PRUNE2: variants seen among roughly 807,000 people sequenced by gnomAD.
PRUNE2 encodes the protein prune homolog 2 with BCH domain.
In PRUNE2, 164 loss-of-function variants were observed where a neutral mutation model predicts 252.0. The observed-to-expected ratio is 0.65, with a 90% CI of 0.57 to 0.74. PRUNE2 has a LOEUF of 0.74. Ranked by LOEUF, PRUNE2 falls within the 30% of genes least tolerant of loss-of-function variation. The pLI, the probability that PRUNE2 is intolerant of heterozygous loss-of-function variation, is 0.00. For missense variants in PRUNE2, 3,495 were observed against 3,711.0 expected (o/e 0.94, Z 1.51); for synonymous variants, 1,292 against 1,350.2 (o/e 0.96, Z 0.94).
At chr9:76,729,921 A>G (rs1207053030) in intron 6 of PRUNE2, among the ~76,000 whole-genome samples, 1 of 152,202 alleles carries the variant, frequency 6.6e-6, no homozygotes, top group Non-Finnish European at 1.5e-5. Context: ...AGACTCCTAC[A>G]TTTTTACAAG....
At chr9:76,660,798 A>AAAAAAAAG (rs1554669341) in intron 9 of PRUNE2, among the ~76,000 whole-genome samples, 2 of 141,018 alleles carry the variant, frequency 1.4e-5, no homozygotes, top group African/African-American at 5.2e-5. Flanking sequence ...AAAAAAAAAA[A>AAAAAAAAG]AAAGAAAGAA....
intron 6 of PRUNE2, chr9:76,779,625 T>A (rs1471172773): frequency 6.6e-6 from 1 of 152,224 alleles, no homozygotes. Context: ...GAAACCTCCA[T>A]GACAGGAATC....
chr9:76,802,643 GTT>G (rs1316805521), intron 6 of PRUNE2, among the ~76,000 whole-genome samples: 1 of 152,060 alleles, frequency 6.6e-6, no homozygotes, highest in Non-Finnish European at 1.5e-5. Flanking sequence ...ATGGGAGAAA[GTT>G]TGCAAATATC....
intron 6 of PRUNE2, among the ~76,000 whole-genome samples, chr9:76,814,509 A>G (rs10781383): frequency 0.47 from 70,963 of 151,936 alleles, 16,672 homozygotes; most frequent in Middle Eastern, 0.53. Flanking sequence ...AACCCATAAA[A>G]CTATGAGAGA....
rs147858614 is a variant in PRUNE2, at chr9:76,732,758, G to T, written c.757-19037C>A. ...CTGACAGCTCTGTCTGAGCTGGACT[G>T]AATGAGAGACAGAAGTAGACCTCCA... On this transcript the variant is annotated intron_variant, in intron 6 of 18. Transcript: ENST00000376718. Among the ~76,000 whole-genome samples the T allele has an allele frequency of 3.0e-4, 45 of 152,328 alleles. No homozygotes were observed. The East Asian group carries it at 4.8e-3, about 16-fold the overall frequency.
chr9:76,727,549 A>G (rs780788825), intron 6 of PRUNE2, among the ~76,000 whole-genome samples: 5 of 152,142 alleles, frequency 3.3e-5, no homozygotes, highest in Admixed American at 6.6e-5. Flanking sequence ...AGGATGGTTT[A>G]AAAGAGCCAA....
intron 4 of PRUNE2, among the ~76,000 whole-genome samples, chr9:76,827,010 A>T (rs1436229614): frequency 6.6e-6 from 1 of 152,210 alleles, no homozygotes; most frequent in Non-Finnish European, 1.5e-5. Context: ...AAATGTGTAT[A>T]TTCCCCCAAC....
At chr9:76,721,993 C>T (rs1416926812) in intron 6 of PRUNE2, among the ~76,000 whole-genome samples, 1 of 152,108 alleles carries the variant, frequency 6.6e-6, no homozygotes, top group Non-Finnish European at 1.5e-5. Context: ...GTTTTTTGTA[C>T]ACTCTTTAAT....
At chr9:76,747,301 G>C (rs1684295890) in intron 6 of PRUNE2, among the ~76,000 whole-genome samples, 1 of 152,118 alleles carries the variant, frequency 6.6e-6, no homozygotes, top group African/African-American at 2.4e-5. Context: ...CTTTTAACGA[G>C]AATCAGTGGG....
chr9:76,629,105 A>G (rs1034703921), intron 16 of PRUNE2, 87 bp downstream of exon 16: 2 of 742,152 alleles, frequency 2.7e-6, no homozygotes, highest in Middle Eastern at 4.8e-4. Context: ...AGCCTCCCAA[A>G]GTGCTAGGAT....
chr9:76,654,605 C>T (rs1399967069), intron 10 of PRUNE2, among the ~76,000 whole-genome samples: 1 of 152,184 alleles, frequency 6.6e-6, no homozygotes, highest in Non-Finnish European at 1.5e-5. Flanking sequence ...TAAATAGCCA[C>T]ATGTGACTAG....
chr9:76,646,027 T>C (rs1328184646), intron 11 of PRUNE2, among the ~76,000 whole-genome samples: 1 of 152,250 alleles, frequency 6.6e-6, no homozygotes, highest in African/African-American at 2.4e-5. Context: ...TCACAGTTAC[T>C]AAACAAATAT....
Position 76,905,780 on chromosome 9 carries a change from T to C in PRUNE2, c.36+148A>G, listed in dbSNP as rs1422872274. On this transcript the variant is annotated intron_variant, in intron 1 of 18. Transcript: ENST00000376718. ...TGCCAGCTTTAAGAGCCAGAGTTCCTGAGATTTCTTCCAGGAGACAACCCG... is the reference window on the plus strand; with the variant it reads ...TGCCAGCTTTAAGAGCCAGAGTTCCCGAGATTTCTTCCAGGAGACAACCCG... 3.0e-6 allele frequency: 3 copies of C among 1,011,004 alleles called. No homozygotes were observed. The African/African-American group carries it at 4.7e-5, about 16-fold the overall frequency. 62.6% of individuals were successfully genotyped at this position (1,011,004 alleles called of 1,614,324 possible). A position where few individuals can be genotyped will look rare whatever the true frequency, so the allele number is the denominator to read the frequency against.
At chr9:76,674,468 G>A (rs549321923) in intron 9 of PRUNE2, among the ~76,000 whole-genome samples, 29 of 152,172 alleles carry the variant, frequency 1.9e-4, no homozygotes, top group African/African-American at 5.8e-4. Flanking sequence ...AATCAATATC[G>A]TGAAAATGGC....
intron 6 of PRUNE2, among the ~76,000 whole-genome samples, chr9:76,775,283 G>A (rs964760094): frequency 6.6e-6 from 1 of 151,644 alleles, no homozygotes; most frequent in African/African-American, 2.4e-5. Flanking sequence ...AATATTCTCA[G>A]AGGACCATTT....
At chr9:76,647,066 G>T (rs886550132) in intron 11 of PRUNE2, among the ~76,000 whole-genome samples, 2 of 152,096 alleles carry the variant, frequency 1.3e-5, no homozygotes, top group African/African-American at 4.8e-5. Context: ...GCATGTGCCT[G>T]TAGTCCCAGC....
chr9:76,817,783 A>G (rs913521534), intron 6 of PRUNE2: 2 of 152,188 alleles, frequency 1.3e-5, no homozygotes, highest in Non-Finnish European at 2.9e-5. Flanking sequence ...GGGTAATCAT[A>G]GTACCTTTTA....
At chr9:76,820,107 A>C (rs1438344774) in intron 6 of PRUNE2, among the ~76,000 whole-genome samples, 1 of 152,194 alleles carries the variant, frequency 6.6e-6, no homozygotes, top group East Asian at 1.9e-4. Flanking sequence ...TTGGAGGCTG[A>C]GCGAAATGAG....
At chr9:76,837,051 A>G (rs1001170849) in intron 4 of PRUNE2, among the ~76,000 whole-genome samples, 1 of 152,232 alleles carries the variant, frequency 6.6e-6, no homozygotes, top group African/African-American at 2.4e-5. Flanking sequence ...GAATTTAAAT[A>G]TGTATTTTTT....
Sources: allele counts gnomAD v4.1 joint callset (sites outside exome capture counted in the v4.1 genomes callset), GRCh38; gene constraint gnomAD v4.1.1; transcripts MANE v1.5; gene names NCBI Gene and HGNC (gene_info 2026-07-23, HGNC 2026-07-21).